Variants in HMGA2 observed in about 807,000 individuals in gnomAD.
HMGA2 encodes high mobility group protein HMGI-C.
A neutral mutation model predicts 19.1 loss-of-function variants in HMGA2; 8 were observed. The ratio of observed to expected loss-of-function variants is 0.42; its 90% CI spans 0.25 to 0.76. The LOEUF (loss-of-function observed/expected upper bound fraction) is 0.76. Among genes scored for constraint, HMGA2 ranks in the 30% least tolerant of loss-of-function variants. The pLI is 0.28. For synonymous variants in HMGA2, 60 were observed against 48.8 expected, an observed-to-expected ratio of 1.23 and a Z score of -0.96; for missense variants, 109 against 136.3, an observed-to-expected ratio of 0.80 and a Z score of 1.00.
intron 4 of HMGA2, among the ~76,000 whole-genome samples, chr12:65,962,520 C>T (rs1876780111): frequency 6.6e-6 from 1 of 152,202 alleles, no homozygotes; most frequent in Admixed American, 6.5e-5. Flanking sequence ...ACTTGGGTCA[C>T]TGTCTCAAAA....
At position 65,870,206 on chromosome 12, in the gene HMGA2, T is replaced by G. The variant is rs148370177; in HGVS notation, c.249+31637T>G. 1.5e-3 allele frequency among the ~76,000 whole-genome samples: 224 copies of G among 152,250 alleles called. 2 individuals carry two copies. The highest frequency in any genetic ancestry group is 5.0e-3 in the African/African-American group (210 of 41,586). On this transcript the variant is annotated intron_variant, in intron 3 of 4. Transcript: ENST00000403681. Reference sequence around the variant, plus strand: ...ATACAACTTCTGTTTATTTTTGAATTTCAACTATGTGTCAGGTGTTAGGCT... The same window carrying G: ...ATACAACTTCTGTTTATTTTTGAATGTCAACTATGTGTCAGGTGTTAGGCT...
At chr12:65,914,292 A>T (rs1592441792) in intron 3 of HMGA2, among the ~76,000 whole-genome samples, 1 of 152,060 alleles carries the variant, frequency 6.6e-6, no homozygotes, top group Non-Finnish European at 1.5e-5. Context: ...GCACATATAC[A>T]CCATGGAATA....
At chr12:65,939,715 T>C (rs1328051109) in intron 3 of HMGA2, among the ~76,000 whole-genome samples, 1 of 152,136 alleles carries the variant, frequency 6.6e-6, no homozygotes, top group Non-Finnish European at 1.5e-5. Context: ...GTATCATAAG[T>C]AAAAAATAAT....
At chr12:65,930,579 T>C (rs1353963897) in intron 3 of HMGA2, among the ~76,000 whole-genome samples, 2 of 152,216 alleles carry the variant, frequency 1.3e-5, no homozygotes, top group African/African-American at 4.8e-5. Context: ...TGTCTGCTGC[T>C]TTGCAGCTAT....
intron 3 of HMGA2, among the ~76,000 whole-genome samples, chr12:65,845,673 T>C (rs1871204443): frequency 6.6e-6 from 1 of 152,192 alleles, no homozygotes; most frequent in Non-Finnish European, 1.5e-5. Flanking sequence ...AAATCAAGCC[T>C]ACTCCTTGTA....
At chr12:65,885,959 C>A (rs1873640146) in intron 3 of HMGA2, among the ~76,000 whole-genome samples, 1 of 152,100 alleles carries the variant, frequency 6.6e-6, no homozygotes, top group Non-Finnish European at 1.5e-5. Flanking sequence ...AATAAGCCAC[C>A]CCCTTGTTTA....
chr12:65,905,540 T>C (rs146525535), intron 3 of HMGA2, among the ~76,000 whole-genome samples: 247 of 152,342 alleles, frequency 1.6e-3, no homozygotes, highest in African/African-American at 5.0e-3. Flanking sequence ...AAATACCTCA[T>C]GTCCAAACCT....
chr12:65,918,164 T>C (rs1875177177), intron 3 of HMGA2, among the ~76,000 whole-genome samples: 1 of 152,224 alleles, frequency 6.6e-6, no homozygotes, highest in Non-Finnish European at 1.5e-5. Context: ...TCCTTCCTAA[T>C]CTTAGCAAAA....
intron 3 of HMGA2, among the ~76,000 whole-genome samples, chr12:65,862,341 T>C (rs987495240): frequency 1.3e-5 from 2 of 151,756 alleles, no homozygotes; most frequent in Non-Finnish European, 2.9e-5. Context: ...AATGGGATTC[T>C]GTCTGTCTCT....
At chr12:65,899,717 A>T (rs1874294408) in intron 3 of HMGA2, among the ~76,000 whole-genome samples, 1 of 152,224 alleles carries the variant, frequency 6.6e-6, no homozygotes, top group Non-Finnish European at 1.5e-5. Flanking sequence ...GAAGAAAGTG[A>T]TTATTTCCCA....
intron 3 of HMGA2, among the ~76,000 whole-genome samples, chr12:65,882,421 G>A (rs1873465016): frequency 6.6e-6 from 1 of 152,198 alleles, no homozygotes; most frequent in South Asian, 2.1e-4. Flanking sequence ...CGCCCGCCCT[G>A]GGAAGCTGCC....
At chr12:65,882,353 CA>C (rs1873460964) in intron 3 of HMGA2, among the ~76,000 whole-genome samples, 1 of 152,200 alleles carries the variant, frequency 6.6e-6, no homozygotes, top group South Asian at 2.1e-4. Context: ...AAAAACAAAA[CA>C]GGGCAGAGCC....
At chr12:65,900,159 G>A (rs1474010126) in intron 3 of HMGA2, among the ~76,000 whole-genome samples, 1 of 152,066 alleles carries the variant, frequency 6.6e-6, no homozygotes, top group Non-Finnish European at 1.5e-5. Flanking sequence ...CAGTGAAAAC[G>A]ATTTGTTCGA....
chr12:65,827,919 C>T, intron 1 of HMGA2, 82 bp from the exon 2 acceptor site: 2 of 960,452 alleles, frequency 2.1e-6, no homozygotes, highest in Non-Finnish European at 3.4e-6. Flanking sequence ...GCAGCACATG[C>T]AGAAAATATA....
intron 3 of HMGA2, among the ~76,000 whole-genome samples, chr12:65,845,923 G>T (rs1049867861): frequency 6.6e-6 from 1 of 152,136 alleles, no homozygotes; most frequent in African/African-American, 2.4e-5. Flanking sequence ...CCCCTTCTTT[G>T]CTTTGTTTTC....
chr12:65,939,356 CTTTTT>C lies in HMGA2; in HGVS notation c.250-12020_250-12016del, dbSNP rs372114758. Among the ~76,000 whole-genome samples the C allele has an allele frequency of 1.5e-3, 225 of 147,142 alleles. 6 individuals are homozygous for C. In the East Asian group the frequency reaches 0.036, roughly 23 times the overall value. On this transcript the variant is annotated intron_variant, in intron 3 of 4. Transcript: ENST00000403681. ...ACACACACACATGCACACATACAAG[CTTTTT>C]TTTTTTCTTTTTGAGACCGAGTCTC...
At chr12:65,918,860 C>T (rs1196481364) in intron 3 of HMGA2, among the ~76,000 whole-genome samples, 2 of 152,106 alleles carry the variant, frequency 1.3e-5, no homozygotes, top group African/African-American at 4.8e-5. Context: ...GCATCCATTT[C>T]CTGGCAGTAT....
intron 3 of HMGA2, among the ~76,000 whole-genome samples, chr12:65,937,055 C>A (rs962378001): frequency 1.3e-5 from 2 of 152,214 alleles, no homozygotes; most frequent in Admixed American, 1.3e-4. Flanking sequence ...TCCAAAGTAA[C>A]TTCCATATCC....
Position 65,825,495 on chromosome 12 carries a change from T to G in HMGA2, c.111+114T>G. 7.4e-5 allele frequency: 40 copies of G among 537,660 alleles called. No homozygotes were observed. The highest frequency in any genetic ancestry group is 1.5e-4 in the Admixed American group (3 of 19,886). 33.3% of individuals were successfully genotyped at this position (537,660 alleles called of 1,614,324 possible). Reference sequence around the variant, plus strand: ...CCCAGTCGCCGCGGCCGTCGCACACTGCCCGCCGGCCGGCCGGGGGGAGCG... The same window carrying G: ...CCCAGTCGCCGCGGCCGTCGCACACGGCCCGCCGGCCGGCCGGGGGGAGCG... On this transcript the variant is annotated intron_variant, in intron 1 of 4. Coordinates refer to ENST00000403681, the MANE Select transcript of HMGA2 (RefSeq NM_003483.6). The surrounding 1 kb of genome is among the most constrained non-coding windows in gnomAD (Gnocchi z 4.4).
Sources: allele counts gnomAD v4.1 joint callset (sites outside exome capture counted in the v4.1 genomes callset), GRCh38; gene constraint gnomAD v4.1.1; non-coding constraint Gnocchi (gnomAD v3.1); transcripts MANE v1.5; gene names NCBI Gene and HGNC (gene_info 2026-07-23, HGNC 2026-07-21).